The following ADAM22 variants were observed in gnomAD, a reference collection of about 807,000 sequenced individuals.
The protein encoded by ADAM22 is ADAM metallopeptidase domain 22.
Under a neutral mutation model 144.6 loss-of-function variants are expected in ADAM22, and 65 were observed. The observed-to-expected ratio is 0.45, with a 90% confidence interval of 0.37 to 0.55. The LOEUF is 0.55. ADAM22 is among the 20% of genes least tolerant of loss of function. The probability of loss-of-function intolerance (pLI) is 0.00; values close to 1 mark genes in which losing one functional copy is unlikely to be tolerated. For missense variants in ADAM22, 974 were observed against 1,184.9 expected, an observed-to-expected ratio of 0.82 and a Z score of 2.61; for synonymous variants, 391 against 412.6, an observed-to-expected ratio of 0.95 and a Z score of 0.63.
At position 88,196,807 on chromosome 7, in the gene ADAM22, A is replaced by G; in HGVS notation, c.*316A>G. ...AATATTCATAAAGTTAACTCACATG[A>G]CCCAAATGTAGCAAGTTTCCTAAGG... On this transcript the variant is annotated 3_prime_UTR_variant, in exon 32 of 32. Transcript: ENST00000413139. 1 of 337,402 alleles carries G rather than the reference A, an allele frequency of 3.0e-6. No homozygotes were observed. The highest frequency in any genetic ancestry group is 5.6e-6 in the Non-Finnish European group (1 of 178,814). The allele number at this position is 337,402 out of a possible 1,614,324, so 20.9% of individuals were successfully genotyped here.
intron 2 of ADAM22, among the ~76,000 whole-genome samples, chr7:87,968,484 C>A (rs138205455): frequency 4.8e-4 from 73 of 152,026 alleles, no homozygotes; most frequent in African/African-American, 1.7e-3. Flanking sequence ...GCTGCAGTGA[C>A]CTATGATCGC....
chr7:88,171,644 A>G, intron 26 of ADAM22, 83 bp downstream of exon 26: 1 of 1,252,222 alleles, frequency 8.0e-7, no homozygotes, highest in Non-Finnish European at 1.1e-6. Context: ...TGCAATTATA[A>G]TTAAGTTCAC....
chr7:87,954,837 C>T (rs531352341), intron 2 of ADAM22, among the ~76,000 whole-genome samples: 163 of 152,276 alleles, frequency 1.1e-3, no homozygotes, highest in African/African-American at 3.6e-3. Flanking sequence ...AGGCTTTGCT[C>T]ATTTCTTTTT....
chr7:88,156,912 G>GAA (rs368532673), intron 22 of ADAM22, among the ~76,000 whole-genome samples: 10 of 138,394 alleles, frequency 7.2e-5, no homozygotes, highest in African/African-American at 2.7e-4. Context: ...TCTGTAACAT[G>GAA]AAAAAAAAAA....
chr7:87,955,840 C>T (rs1179632071), intron 2 of ADAM22, among the ~76,000 whole-genome samples: 1 of 152,154 alleles, frequency 6.6e-6, no homozygotes. Context: ...GGTGGGCGCC[C>T]CTCCCCCAGC....
intron 25 of ADAM22, among the ~76,000 whole-genome samples, chr7:88,169,531 T>A (rs2129532987): frequency 6.6e-6 from 1 of 152,184 alleles, no homozygotes; most frequent in Non-Finnish European, 1.5e-5. Flanking sequence ...GCAATTGCCA[T>A]ATATACTTAC....
intron 29 of ADAM22, among the ~76,000 whole-genome samples, chr7:88,183,689 A>T (rs1847642881): frequency 1.3e-5 from 2 of 151,864 alleles, no homozygotes; most frequent in South Asian, 4.1e-4. Flanking sequence ...AGTATTAAGG[A>T]CTTCCTCAGA....
At chr7:88,050,498 A>G (rs981294653) in intron 3 of ADAM22, among the ~76,000 whole-genome samples, 1 of 151,514 alleles carries the variant, frequency 6.6e-6, no homozygotes. Context: ...AAAAAAAAAA[A>G]AAAGAAAGAA....
intron 14 of ADAM22, among the ~76,000 whole-genome samples, chr7:88,142,624 G>A (rs1835039918): frequency 2.0e-5 from 3 of 152,124 alleles, no homozygotes; most frequent in Admixed American, 2.0e-4. Flanking sequence ...GGATCACAAA[G>A]TCAGGAGATC....
chr7:88,043,783 A>G (rs1244065104), intron 3 of ADAM22, among the ~76,000 whole-genome samples: 1 of 152,236 alleles, frequency 6.6e-6, no homozygotes, highest in Non-Finnish European at 1.5e-5. Context: ...AAGCTGAGTA[A>G]AGGTATAGAC....
At chr7:88,133,041 A>G (rs1020168964) in intron 12 of ADAM22, 90 bp downstream of exon 12, 70 of 1,154,014 alleles carry the variant, frequency 6.1e-5, no homozygotes, top group Non-Finnish European at 8.1e-5. Flanking sequence ...GTATTCACAT[A>G]CTCCAGATGT....
At chr7:87,949,650 G>T (rs979168603) in intron 2 of ADAM22, among the ~76,000 whole-genome samples, 2 of 151,618 alleles carry the variant, frequency 1.3e-5, no homozygotes, top group African/African-American at 4.8e-5. Flanking sequence ...TTATTTTTAG[G>T]GTTTGATTTT....
Position 87,997,839 on chromosome 7 carries a change from T to C in ADAM22, c.323+19427T>C, listed in dbSNP as rs544092675. Reference sequence around the variant, plus strand: ...TCAGGGACAGGACTAATAGGATAGATGTATATATGAAAGAGAGTTTATTAA... The same window carrying C: ...TCAGGGACAGGACTAATAGGATAGACGTATATATGAAAGAGAGTTTATTAA... On this transcript the variant is annotated intron_variant, in intron 3 of 31. Transcript: ENST00000413139. Among the ~76,000 whole-genome samples, 3 of 152,310 alleles carry C rather than the reference T, an allele frequency of 2.0e-5. No homozygotes were observed. In the South Asian group the frequency reaches 6.2e-4, roughly 32 times the overall value.
At chr7:88,048,138 C>T (rs535625025) in intron 3 of ADAM22, among the ~76,000 whole-genome samples, 2 of 152,166 alleles carry the variant, frequency 1.3e-5, no homozygotes, top group South Asian at 4.2e-4. Context: ...TGCTGATCGG[C>T]AGCCTACTTT....
intron 3 of ADAM22, among the ~76,000 whole-genome samples, chr7:88,003,904 A>G (rs1443751999): frequency 6.6e-6 from 1 of 152,186 alleles, no homozygotes; most frequent in African/African-American, 2.4e-5. Flanking sequence ...TCAAGTGAGC[A>G]CTCAGGAATG....
chr7:88,105,025 T>C (rs1159432100), intron 4 of ADAM22, among the ~76,000 whole-genome samples: 2 of 152,288 alleles, frequency 1.3e-5, no homozygotes, highest in East Asian at 3.9e-4. Flanking sequence ...CCCAATATAA[T>C]GGAGGAATGC....
chr7:87,985,921 T>A (rs1446823946), intron 3 of ADAM22, among the ~76,000 whole-genome samples: 2 of 152,170 alleles, frequency 1.3e-5, no homozygotes, highest in African/African-American at 4.8e-5. Context: ...TAAATGGTGC[T>A]ATAACAGCTG....
At chr7:87,959,106 T>A (rs115364462) in intron 2 of ADAM22, among the ~76,000 whole-genome samples, 3,409 of 151,550 alleles carry the variant, frequency 0.022, 126 homozygotes, top group African/African-American at 0.078. Context: ...CAAATGTAGT[T>A]TTTTTTTTAA....
chr7:88,015,835 TTTCTC>T (rs1338848137), intron 3 of ADAM22, among the ~76,000 whole-genome samples: 1 of 152,212 alleles, frequency 6.6e-6, no homozygotes, highest in Non-Finnish European at 1.5e-5. Context: ...ATTATTGTGT[TTTCTC>T]TTTGAGTTTT....
Sources: allele counts gnomAD v4.1 joint callset (sites outside exome capture counted in the v4.1 genomes callset), GRCh38; gene constraint gnomAD v4.1.1; transcripts MANE v1.5; gene names NCBI Gene and HGNC (gene_info 2026-07-23, HGNC 2026-07-21).